The following LRP1B variants were observed in gnomAD, a reference collection of about 807,000 sequenced individuals.
The protein encoded by LRP1B is LDL receptor related protein 1B.
LRP1B carries 217 observed loss-of-function variants against 556.6 expected under a neutral mutation model. The observed-to-expected ratio is 0.39, with a 90% CI of 0.35 to 0.44. The LOEUF (loss-of-function observed/expected upper bound fraction) is 0.44. Among genes scored for constraint, LRP1B ranks in the 20% least tolerant of loss-of-function variants. The probability of loss-of-function intolerance (pLI) is 1.00; values close to 1 mark genes in which losing one functional copy is unlikely to be tolerated. For synonymous variants in LRP1B, 2,047 were observed against 1,865.8 expected, an observed-to-expected ratio of 1.10 and a Z score of -2.50; for missense variants, 5,053 against 5,620.8, an observed-to-expected ratio of 0.90 and a Z score of 3.23.
At chr2:142,093,487 G>A (rs535496236) in intron 1 of LRP1B, among the ~76,000 whole-genome samples, 8 of 152,196 alleles carry the variant, frequency 5.3e-5, no homozygotes, top group South Asian at 4.1e-4. Context: ...GGGAATAAAC[G>A]TGATAGGCAA....
intron 1 of LRP1B, among the ~76,000 whole-genome samples, chr2:142,113,488 CAA>C (rs34361933): frequency 6.8e-6 from 1 of 146,542 alleles, no homozygotes; most frequent in Non-Finnish European, 1.5e-5. Context: ...ACAGTTGCCA[CAA>C]AAAAAAAAAT....
intron 6 of LRP1B, among the ~76,000 whole-genome samples, chr2:141,220,157 C>A (rs772344157): frequency 6.6e-6 from 1 of 152,038 alleles, no homozygotes; most frequent in Non-Finnish European, 1.5e-5. Flanking sequence ...TCTAAACCAA[C>A]GCAAGAAGAT....
intron 3 of LRP1B, among the ~76,000 whole-genome samples, chr2:141,342,110 G>T (rs1245475115): frequency 6.6e-6 from 1 of 151,430 alleles, no homozygotes; most frequent in Non-Finnish European, 1.5e-5. Context: ...CAGGAGTGGT[G>T]GTGGGCGCCT....
intron 1 of LRP1B, among the ~76,000 whole-genome samples, chr2:141,950,113 G>A (rs560645643): frequency 3.9e-5 from 6 of 152,102 alleles, no homozygotes; most frequent in South Asian, 2.1e-4. Flanking sequence ...CTTTCAATTC[G>A]TCCACTTTTA....
chr2:140,581,179 A>C (rs191470365), intron 43 of LRP1B, among the ~76,000 whole-genome samples: 1 of 152,360 alleles, frequency 6.6e-6, no homozygotes, highest in East Asian at 1.9e-4. Context: ...GTCAGAATTG[A>C]AAGGTTCTTT....
chr2:142,073,564 A>T (rs1430157530), intron 1 of LRP1B, among the ~76,000 whole-genome samples: 4 of 151,988 alleles, frequency 2.6e-5, no homozygotes, highest in African/African-American at 4.8e-5. Context: ...TTACCCTTCC[A>T]TACTCATATT....
chr2:141,783,632 A>C (rs1356151581), intron 2 of LRP1B, among the ~76,000 whole-genome samples: 4 of 151,914 alleles, frequency 2.6e-5, no homozygotes, highest in African/African-American at 9.7e-5. Flanking sequence ...ATATTGTGTT[A>C]TTTGAAACTT....
chr2:140,245,762 A>T (rs1271428862), intron 87 of LRP1B, among the ~76,000 whole-genome samples: 1 of 151,364 alleles, frequency 6.6e-6, no homozygotes, highest in Non-Finnish European at 1.5e-5. Flanking sequence ...AAATTAGGCA[A>T]GACACATTTT....
At chr2:141,251,303 T>C (rs1684251537) in intron 4 of LRP1B, among the ~76,000 whole-genome samples, 2 of 152,114 alleles carry the variant, frequency 1.3e-5, no homozygotes, top group Non-Finnish European at 2.9e-5. Context: ...TTTAAAGTTC[T>C]TTATGAAAAT....
At chr2:141,590,679 C>T (rs1419263433) in intron 2 of LRP1B, among the ~76,000 whole-genome samples, 2 of 152,140 alleles carry the variant, frequency 1.3e-5, no homozygotes, top group African/African-American at 4.8e-5. Flanking sequence ...CCTGTCTCCT[C>T]CCAATTTGGG....
chr2:141,254,729 T>C, intron 3 of LRP1B, 88 bp from the exon 4 acceptor site: 3 of 1,002,544 alleles, frequency 3.0e-6, no homozygotes, highest in Non-Finnish European at 4.2e-6. Flanking sequence ...TACACTATAG[T>C]CTTGATTGTT....
chr2:140,966,979 T>C (rs577639805), intron 18 of LRP1B, among the ~76,000 whole-genome samples: 2 of 152,322 alleles, frequency 1.3e-5, no homozygotes, highest in Admixed American at 1.3e-4. Context: ...GGTAGAGTGA[T>C]GCCTCCAGCT....
chr2:141,019,293 G>T (rs972012784), intron 12 of LRP1B, among the ~76,000 whole-genome samples: 22 of 152,106 alleles, frequency 1.4e-4, no homozygotes, highest in African/African-American at 4.6e-4. Flanking sequence ...AAAATTATGT[G>T]GTTGTCACCC....
At chr2:140,271,286 A>T (rs1682449067) in intron 85 of LRP1B, among the ~76,000 whole-genome samples, 1 of 151,972 alleles carries the variant, frequency 6.6e-6, no homozygotes, top group Non-Finnish European at 1.5e-5. Flanking sequence ...GGCAATTCTG[A>T]TCATGTGGTC....
intron 1 of LRP1B, among the ~76,000 whole-genome samples, chr2:141,861,171 G>A (rs918522143): frequency 6.6e-6 from 1 of 151,732 alleles, no homozygotes; most frequent in African/African-American, 2.4e-5. Context: ...TTAAAGTTTT[G>A]CCTTTGGCCC....
chr2:141,360,175 T>C (rs1036636808), intron 3 of LRP1B, among the ~76,000 whole-genome samples: 1 of 152,166 alleles, frequency 6.6e-6, no homozygotes, highest in African/African-American at 2.4e-5. Context: ...GGCAAGGATT[T>C]AGTGATTATT....
chr2:141,001,711 G>C (rs758019574), intron 15 of LRP1B, among the ~76,000 whole-genome samples: 5 of 152,112 alleles, frequency 3.3e-5, no homozygotes, highest in Non-Finnish European at 5.9e-5. Flanking sequence ...TCTTTAAGAG[G>C]AAGTTTATGG....
At chr2:141,678,160 A>G (rs748776271) in intron 2 of LRP1B, among the ~76,000 whole-genome samples, 26 of 152,204 alleles carry the variant, frequency 1.7e-4, no homozygotes, top group Non-Finnish European at 2.8e-4. Flanking sequence ...TTGGTGATAC[A>G]GTTGAAGGAA....
At chr2:141,851,235 A>T (rs552625607) in intron 1 of LRP1B, among the ~76,000 whole-genome samples, 46 of 151,946 alleles carry the variant, frequency 3.0e-4, no homozygotes, top group Admixed American at 1.2e-3. Context: ...ATGAATAATA[A>T]ATTGGTCATA....
Sources: allele counts gnomAD v4.1 joint callset (sites outside exome capture counted in the v4.1 genomes callset), GRCh38; gene constraint gnomAD v4.1.1; transcripts MANE v1.5; gene names NCBI Gene and HGNC (gene_info 2026-07-23, HGNC 2026-07-21).